Variants in CEP76 observed in about 807,000 individuals in gnomAD.
CEP76 encodes centrosomal protein 76.
A neutral mutation model predicts 83.3 loss-of-function variants in CEP76; 55 were observed. The ratio of observed to expected loss-of-function variants is 0.66; its 90% confidence interval spans 0.53 to 0.83. The LOEUF (loss-of-function observed/expected upper bound fraction) is 0.83, where lower values mean the gene tolerates loss of function less well. CEP76 is among the 40% of genes least tolerant of loss of function. CEP76 has a pLI of 0.00. For missense variants in CEP76, 694 were observed against 799.5 expected (o/e 0.87, Z 1.59); for synonymous variants, 270 against 274.5 (o/e 0.98, Z 0.16).
chr18:12,665,965 G>A (rs995518934), intron 12 of CEP76, among the ~76,000 whole-genome samples: 1 of 152,144 alleles, frequency 6.6e-6, no homozygotes, highest in Admixed American at 6.6e-5. Context: ...AAAGTGCTGG[G>A]ATAACAGTCG....
chr18:12,687,204 AG>A (rs1420595729), intron 7 of CEP76, among the ~76,000 whole-genome samples: 2 of 152,162 alleles, frequency 1.3e-5, no homozygotes, highest in Non-Finnish European at 2.9e-5. Flanking sequence ...CCTCCCTGAT[AG>A]GGTTCCTCAG....
chr18:12,688,749 A>G (rs1426658566), intron 7 of CEP76, among the ~76,000 whole-genome samples: 1 of 152,222 alleles, frequency 6.6e-6, no homozygotes, highest in Non-Finnish European at 1.5e-5. Flanking sequence ...TAATAGCCAC[A>G]TTTTGAATGC....
At chr18:12,670,930 TGAAC>T (rs2144966190), downstream of CEP76, 1 of 152,220 alleles carries the variant, frequency 6.6e-6, no homozygotes, top group East Asian at 1.9e-4. Context: ...ATTATAGGTG[TGAAC>T]CACTATGCTT....
chr18:12,664,420 T>C (rs1428435132), intron 12 of CEP76, among the ~76,000 whole-genome samples: 1 of 151,204 alleles, frequency 6.6e-6, no homozygotes, highest in Non-Finnish European at 1.5e-5. Context: ...CATGGTGGCA[T>C]GTGCCTGTAG....
At chr18:12,693,662 A>G (rs1026542516) in intron 6 of CEP76, among the ~76,000 whole-genome samples, 1 of 152,142 alleles carries the variant, frequency 6.6e-6, no homozygotes, top group Non-Finnish European at 1.5e-5. Context: ...ACCCACCTGT[A>G]GTCCCAGCTA....
At chr18:12,680,918 G>C in intron 8 of CEP76, 90 bp from the exon 9 acceptor site, 1 of 1,223,642 alleles carries the variant, frequency 8.2e-7, no homozygotes, top group Non-Finnish European at 1.1e-6. Context: ...AAATTTATTG[G>C]CTGGGCACAG....
intron 4 of CEP76, 146 bp downstream of exon 4, chr18:12,698,833 G>C (rs1476856963): frequency 1.6e-5 from 10 of 621,482 alleles, no homozygotes; most frequent in Non-Finnish European, 2.8e-5. Context: ...GTGGATAGTA[G>C]TTTAAATTGA....
chr18:12,665,663 A>T (rs12963505), intron 12 of CEP76, among the ~76,000 whole-genome samples: 37,596 of 152,180 alleles, frequency 0.25, 5,158 homozygotes, highest in Non-Finnish European at 0.32. Flanking sequence ...ACCTAAATTT[A>T]TAAGAGAATG....
intron 12 of CEP76, among the ~76,000 whole-genome samples, chr18:12,662,833 G>C (rs1354895174): frequency 6.6e-6 from 1 of 152,156 alleles, no homozygotes; most frequent in East Asian, 1.9e-4. Context: ...TAAAATGTGT[G>C]AACAATAGTG....
chr18:12,662,562 G>A (rs1371167777), intron 12 of CEP76, among the ~76,000 whole-genome samples: 3 of 152,146 alleles, frequency 2.0e-5, no homozygotes, highest in Non-Finnish European at 4.4e-5. Flanking sequence ...CATCATTTGA[G>A]CTCACAAGTT....
intron 8 of CEP76, chr18:12,685,134 A>AAG (rs1400359807): frequency 6.6e-6 from 1 of 151,526 alleles, no homozygotes. Context: ...CTCAGTAGCT[A>AAG]AGATTACAGG....
At chr18:12,662,832 TG>T (rs2038723985) in intron 12 of CEP76, among the ~76,000 whole-genome samples, 2 of 152,200 alleles carry the variant, frequency 1.3e-5, no homozygotes, top group South Asian at 4.1e-4. Flanking sequence ...ATAAAATGTG[TG>T]AACAATAGTG....
Position 12,680,643 on chromosome 18 carries a change from ATAAACTTAG to A in CEP76, c.1289+10_1289+18del. Reference sequence around the variant, plus strand: ...CTTATAACTTCATTTTAATATCCTTATAAACTTAGTAAACTAACCTGTGTCCTGTTAAAC... The same window carrying A: ...CTTATAACTTCATTTTAATATCCTTATAAACTAACCTGTGTCCTGTTAAAC... On this transcript the variant is annotated intron_variant, in intron 9 of 11. Coordinates refer to ENST00000262127, the MANE Select transcript of CEP76 (RefSeq NM_024899.4). 1.3e-6 allele frequency: 2 copies of A among 1,518,882 alleles called. No homozygotes were observed. The highest frequency in any genetic ancestry group is 1.8e-6 in the Non-Finnish European group (2 of 1,116,788). The allele number at this position is 1,518,882 out of a possible 1,614,324, so 94.1% of individuals were successfully genotyped here.
intron 3 of CEP76, 97 bp downstream of exon 3, chr18:12,699,733 G>T: frequency 1.5e-6 from 1 of 668,920 alleles, no homozygotes; most frequent in Non-Finnish European, 2.4e-6. Flanking sequence ...TTATTTTGGG[G>T]GGAAAAAATG....
chr18:12,694,614 A>G (rs1042455154), intron 6 of CEP76, among the ~76,000 whole-genome samples: 12 of 152,222 alleles, frequency 7.9e-5, no homozygotes, highest in African/African-American at 2.9e-4. Context: ...ATAAGCAGCA[A>G]GCTTTCAATA....
intron 6 of CEP76, 141 bp from the exon 7 acceptor site, chr18:12,691,628 T>C: frequency 1.8e-6 from 1 of 568,196 alleles, no homozygotes; most frequent in African/African-American, 1.9e-5. Context: ...CCTCCTGACT[T>C]CCCTATTTCT....
At position 12,691,431 on chromosome 18, in the gene CEP76, A is replaced by G; in HGVS notation, c.861T>C (p.Ala287=). ...AEKERLFLVY[A]KQWWREYLQI... is the part of the protein sequence containing the mutation. ...GCAAATATTCTCTCCACCACTGCTT[A>G]GCATATACAAGAAATAATCGCTCTT... Residue 287 remains alanine, a synonymous_variant, in exon 7 of 12, where the codon GCT becomes GCC. Transcript: ENST00000262127. The G allele has an allele frequency of 6.2e-7, 1 of 1,609,402 alleles. No individual in the cohort carries two copies.
intron 10 of CEP76, among the ~76,000 whole-genome samples, chr18:12,676,664 A>C (rs2039146686): frequency 1.3e-5 from 2 of 152,236 alleles, no homozygotes; most frequent in Non-Finnish European, 2.9e-5. Context: ...GAAGGAAAGA[A>C]AAAGTAATAA....
chr18:12,679,096 T>C (rs1428695506), intron 9 of CEP76: 1 of 152,142 alleles, frequency 6.6e-6, no homozygotes, highest in African/African-American at 2.4e-5. Context: ...GGCCCAGGGC[T>C]GGGCCTCTAG....
Sources: gnomAD v4.1 joint callset for allele counts (sites outside exome capture counted in the v4.1 genomes callset) on GRCh38, gnomAD v4.1.1 for gene constraint, MANE v1.5 for transcripts, NCBI Gene and HGNC (gene_info 2026-07-23, HGNC 2026-07-21) for gene names.